The following TMC2 variants were observed in gnomAD, a reference collection of about 807,000 sequenced individuals.
TMC2 encodes transmembrane channel-like protein 2.
In TMC2, 102 loss-of-function variants were observed where a neutral mutation model predicts 105.9. The ratio of observed to expected loss-of-function variants is 0.96; its 90% CI spans 0.82 to 1.14. The LOEUF (loss-of-function observed/expected upper bound fraction) is 1.14, where lower values mean the gene tolerates loss of function less well. TMC2 is among the 50% of genes most tolerant of loss of function. The pLI, the probability that TMC2 is intolerant of heterozygous loss-of-function variation, is 0.00. For synonymous variants in TMC2, 402 were observed against 422.8 expected, an observed-to-expected ratio of 0.95 and a Z score of 0.60; for missense variants, 1,093 against 1,134.3, an observed-to-expected ratio of 0.96 and a Z score of 0.52.
intron 2 of TMC2, among the ~76,000 whole-genome samples, 181 bp downstream of exon 2, chr20:2,537,497 A>G (rs976166205): frequency 6.6e-6 from 1 of 152,152 alleles, no homozygotes; most frequent in Non-Finnish European, 1.5e-5. Flanking sequence ...AGTACCACTC[A>G]GAGAAGGTGC....
chr20:2,642,213 A>G lies in TMC2; in HGVS notation c.*862A>G, dbSNP rs1449632610. Reference sequence around the variant, plus strand: ...GAGCAAGACCCTTGTCTCTACAAATAGATAAATGAATCAAAGTAAATGAAA... The same window carrying G: ...GAGCAAGACCCTTGTCTCTACAAATGGATAAATGAATCAAAGTAAATGAAA... On this transcript the variant is annotated 3_prime_UTR_variant, in exon 20 of 20. Transcript: ENST00000358864. 1.3e-5 allele frequency among the ~76,000 whole-genome samples: 2 copies of G among 152,204 alleles called. No individual in the cohort carries two copies. Among genetic ancestry groups the G allele is most frequent in the Non-Finnish European group, 1.5e-5 (1 of 68,036 alleles).
At chr20:2,546,054 G>A (rs1171397436) in intron 2 of TMC2, among the ~76,000 whole-genome samples, 1 of 152,208 alleles carries the variant, frequency 6.6e-6, no homozygotes, top group Non-Finnish European at 1.5e-5. Context: ...GTCAGTGAAA[G>A]TCTGATCACA....
intron 7 of TMC2, among the ~76,000 whole-genome samples, chr20:2,587,387 T>TA (rs1180510631): frequency 6.6e-6 from 1 of 152,180 alleles, no homozygotes; most frequent in African/African-American, 2.4e-5. Flanking sequence ...ATTATCTTTT[T>TA]TATATATCAT....
chr20:2,595,180 G>A (rs2086296825), intron 9 of TMC2, among the ~76,000 whole-genome samples: 2 of 152,198 alleles, frequency 1.3e-5, no homozygotes, highest in African/African-American at 4.8e-5. Context: ...CCCTTTGGAT[G>A]AGGCTGAGAA....
chr20:2,628,175 A>T (rs997582827), intron 17 of TMC2, among the ~76,000 whole-genome samples: 4 of 152,042 alleles, frequency 2.6e-5, no homozygotes, highest in African/African-American at 9.7e-5. Context: ...CTCAAAAAAA[A>T]AAAAAAAATC....
At chr20:2,537,343 G>T (rs1340515754) in intron 2 of TMC2, 27 bp downstream of exon 2, 9 of 1,581,102 alleles carry the variant, frequency 5.7e-6, no homozygotes, top group Non-Finnish European at 7.7e-6. Flanking sequence ...GGGTCTCTGG[G>T]GAGCCTGCAG....
In TMC2 at chr20:2,624,270, G is replaced by A. The variant is rs200775235; in HGVS notation, c.2181-1G>A. 8 of 1,613,356 alleles carry A rather than the reference G, an allele frequency of 5.0e-6. No homozygotes were observed. The highest frequency in any genetic ancestry group is 5.9e-6 in the Non-Finnish European group (7 of 1,179,736). On this transcript the variant is annotated splice_acceptor_variant, in intron 16 of 19. Transcript: ENST00000358864. LOFTEE classifies it high-confidence loss of function. ...TATATTGTGTCCTCTCCTTTTTCCA[G>A]TGGGAAAAACAGAATGTACGATGTC...
At chr20:2,579,892 A>G in intron 6 of TMC2, 58 bp from the exon 7 acceptor site, 1 of 1,091,686 alleles carries the variant, frequency 9.2e-7, no homozygotes, top group Non-Finnish European at 1.4e-6. Context: ...TAAAGTGCTC[A>G]ATAGTGTCCA....
At chr20:2,579,289 G>A in intron 6 of TMC2, 62 bp downstream of exon 6, 8 of 1,026,508 alleles carry the variant, frequency 7.8e-6, no homozygotes, top group Non-Finnish European at 1.2e-5. Context: ...CAAGAGCTTG[G>A]ATTGTTTCCT....
At chr20:2,605,101 C>T (rs532481047) in intron 11 of TMC2, among the ~76,000 whole-genome samples, 121 of 152,246 alleles carry the variant, frequency 7.9e-4, no homozygotes, top group African/African-American at 2.7e-3. Flanking sequence ...AGCCCTTCAC[C>T]TGTGGAGTCT....
At chr20:2,563,788 A>C (rs2086044230) in intron 4 of TMC2, among the ~76,000 whole-genome samples, 6 of 152,170 alleles carry the variant, frequency 3.9e-5, no homozygotes, top group Admixed American at 3.9e-4. Context: ...AGTCCAGTCC[A>C]CCATTTTAAC....
rs935001606 is a variant in TMC2, at chr20:2,579,948, A to G, written c.728-2A>G. 3 of 1,609,452 alleles carry G rather than the reference A, an allele frequency of 1.9e-6. No individual in the cohort carries two copies. Among genetic ancestry groups the G allele is most frequent in the Non-Finnish European group, 8.5e-7 (1 of 1,175,836 alleles). On this transcript the variant is annotated splice_acceptor_variant, in intron 6 of 19. Transcript: ENST00000358864. LOFTEE classifies it high-confidence loss of function. The stretch of plus-strand genomic sequence containing the variant: ...CATACCCACCGTCTTTTCTCTCTCT[A>G]GGTCACTTTGGTTCTTCAGTGGCAT...
chr20:2,582,925 T>A (rs1287514861), intron 7 of TMC2, among the ~76,000 whole-genome samples: 1 of 152,242 alleles, frequency 6.6e-6, no homozygotes, highest in Non-Finnish European at 1.5e-5. Context: ...CCAGGATGTC[T>A]ACGTGATCCC....
intron 17 of TMC2, among the ~76,000 whole-genome samples, chr20:2,624,659 T>C (rs2086551454): frequency 6.6e-6 from 1 of 152,052 alleles, no homozygotes; most frequent in African/African-American, 2.4e-5. Context: ...GGGCAAAGGA[T>C]CCGAGGCATT....
chr20:2,585,366 T>G (rs2086224632), intron 7 of TMC2, among the ~76,000 whole-genome samples: 1 of 152,224 alleles, frequency 6.6e-6, no homozygotes, highest in African/African-American at 2.4e-5. Context: ...CTAACTTATA[T>G]GTTTCATTTC....
At position 2,572,170 on chromosome 20, in the gene TMC2, T is replaced by TC. The variant is rs34903769; in HGVS notation, c.555-8dup. 2.5e-6 allele frequency: 4 copies of TC among 1,604,646 alleles called. No individual in the cohort carries two copies. The highest frequency in any genetic ancestry group is 3.4e-6 in the Non-Finnish European group (4 of 1,173,998). On this transcript the variant is annotated splice_polypyrimidine_tract_variant and intron_variant, in intron 4 of 19. Transcript: ENST00000358864. ...CTGAAATCCTGCTTTTTTTTTTTTT[T>TC]CTAAGCAGGGAGGCCCAGGAATTTG... is the stretch of plus-strand genomic sequence containing the variant.
intron 7 of TMC2, among the ~76,000 whole-genome samples, chr20:2,580,492 AAG>A (rs1600111139): frequency 1.3e-5 from 2 of 152,276 alleles, no homozygotes; most frequent in East Asian, 3.9e-4. Context: ...TCTCAGAAAA[AAG>A]AGAGGGATAG....
chr20:2,546,482 A>G (rs1056338193), intron 2 of TMC2, among the ~76,000 whole-genome samples: 10 of 39,412 alleles, frequency 2.5e-4, no homozygotes, highest in Non-Finnish European at 5.5e-4. Context: ...TAACCTGCAG[A>G]GTTGGGCATA....
chr20:2,575,281 A>T (rs1212072854), intron 5 of TMC2, among the ~76,000 whole-genome samples: 1 of 152,234 alleles, frequency 6.6e-6, no homozygotes, highest in Non-Finnish European at 1.5e-5. Context: ...TAAAATCACA[A>T]TAAGACAGTC....
Sources: allele counts gnomAD v4.1 joint callset (sites outside exome capture counted in the v4.1 genomes callset), GRCh38; gene constraint gnomAD v4.1.1; transcripts MANE v1.5; gene names NCBI Gene and HGNC (gene_info 2026-07-23, HGNC 2026-07-21).